Variants in NCKAP5 observed in about 807,000 individuals in gnomAD.
The protein encoded by NCKAP5 is nck-associated protein 5.
In NCKAP5, 92 loss-of-function variants were observed where a neutral mutation model predicts 167.0. The ratio of observed to expected loss-of-function variants is 0.55; its 90% CI spans 0.47 to 0.66. The LOEUF (loss-of-function observed/expected upper bound fraction) is 0.66. Among genes scored for constraint, NCKAP5 ranks in the 30% least tolerant of loss-of-function variants. The pLI is 0.00. For missense variants in NCKAP5, 2,378 were observed against 2,315.0 expected (o/e 1.03, Z -0.56); for synonymous variants, 891 against 877.4 (o/e 1.02, Z -0.27).
chr2:132,881,555 T>C (rs1691753322), intron 8 of NCKAP5, among the ~76,000 whole-genome samples: 1 of 21,318 alleles, frequency 4.7e-5, no homozygotes, highest in Non-Finnish European at 7.2e-5. Flanking sequence ...CTTACCTTTC[T>C]TTTTTTTTTT....
intron 4 of NCKAP5, among the ~76,000 whole-genome samples, chr2:133,245,426 T>C (rs2087926534): frequency 6.6e-6 from 1 of 152,178 alleles, no homozygotes; most frequent in South Asian, 2.1e-4. Context: ...ATTCTATTCA[T>C]ACAGAGGTCT....
At chr2:133,066,463 C>G (rs944525424) in intron 6 of NCKAP5, among the ~76,000 whole-genome samples, 1 of 152,162 alleles carries the variant, frequency 6.6e-6, no homozygotes, top group Non-Finnish European at 1.5e-5. Flanking sequence ...TAAAGAATAA[C>G]AGCCCAAGTA....
At chr2:133,216,936 G>T (rs1008971269) in intron 4 of NCKAP5, among the ~76,000 whole-genome samples, 1 of 151,896 alleles carries the variant, frequency 6.6e-6, no homozygotes, top group East Asian at 1.9e-4. Flanking sequence ...AAAAAACTTC[G>T]CAAAACATGT....
chr2:133,092,285 T>C (rs2081211178), intron 6 of NCKAP5, among the ~76,000 whole-genome samples: 1 of 151,892 alleles, frequency 6.6e-6, no homozygotes, highest in Admixed American at 6.6e-5. Context: ...GGGAGGGAGA[T>C]TTGGATACAG....
At chr2:132,733,293 T>TAA (rs1408178178) in intron 16 of NCKAP5, among the ~76,000 whole-genome samples, 1 of 152,194 alleles carries the variant, frequency 6.6e-6, no homozygotes, top group African/African-American at 2.4e-5. Flanking sequence ...AGTCTAGCAC[T>TAA]GGGTAAGCGG....
chr2:133,356,040 C>T (rs1414951444), intron 3 of NCKAP5, among the ~76,000 whole-genome samples: 1 of 152,108 alleles, frequency 6.6e-6, no homozygotes, highest in Non-Finnish European at 1.5e-5. Context: ...GATCCTCTTG[C>T]TTCAGCCTCC....
At chr2:132,920,777 A>ATATATG (rs1558943340) in intron 8 of NCKAP5, among the ~76,000 whole-genome samples, 18 of 13,862 alleles carry the variant, frequency 1.3e-3, no homozygotes, top group South Asian at 3.2e-3. Context: ...GTATGTATAT[A>ATATATG]TATATATATA....
chr2:132,951,462 C>T (rs554020571), intron 8 of NCKAP5, among the ~76,000 whole-genome samples: 1 of 152,344 alleles, frequency 6.6e-6, no homozygotes, highest in Admixed American at 6.5e-5. Context: ...CCCACATCCA[C>T]ATCTTAAATC....
chr2:133,390,648 C>T (rs1328764135), intron 3 of NCKAP5, among the ~76,000 whole-genome samples: 1 of 152,158 alleles, frequency 6.6e-6, no homozygotes, highest in Non-Finnish European at 1.5e-5. Context: ...CCTCTAATTT[C>T]CCCTAGAGTA....
intron 6 of NCKAP5, among the ~76,000 whole-genome samples, chr2:133,008,275 C>T (rs1426573779): frequency 1.3e-5 from 2 of 152,122 alleles, no homozygotes; most frequent in Admixed American, 6.5e-5. Flanking sequence ...TCTCCTTTCC[C>T]TCATGCCAAA....
At chr2:133,201,775 A>G (rs530147342) in intron 5 of NCKAP5, among the ~76,000 whole-genome samples, 2 of 152,304 alleles carry the variant, frequency 1.3e-5, no homozygotes, top group East Asian at 3.9e-4. Flanking sequence ...CCTCATTTCA[A>G]AAACAACACA....
chr2:132,845,570 G>A (rs1688599489), intron 11 of NCKAP5, among the ~76,000 whole-genome samples: 1 of 151,952 alleles, frequency 6.6e-6, no homozygotes, highest in Non-Finnish European at 1.5e-5. Flanking sequence ...TACTATTATT[G>A]TAAAATAAAT....
chr2:132,993,329 C>T (rs2077499228), intron 7 of NCKAP5, among the ~76,000 whole-genome samples: 1 of 152,188 alleles, frequency 6.6e-6, no homozygotes, highest in African/African-American at 2.4e-5. Flanking sequence ...TATTGTATTT[C>T]CCTTTTCCAC....
chr2:133,115,775 GTATATATATATATATATATATATATATA>G (rs10683280), intron 6 of NCKAP5, among the ~76,000 whole-genome samples: 17 of 94,304 alleles, frequency 1.8e-4, no homozygotes, highest in Middle Eastern at 7.4e-3. Context: ...ATGTGTGTGT[GTATATATATATATATATATATATATATA>G]TATATATATA....
chr2:133,625,828 C>A, the NCKAP5 span, among the ~76,000 whole-genome samples: 2 of 147,682 alleles, frequency 1.4e-5, no homozygotes, highest in Non-Finnish European at 3.0e-5. Context: ...GCCGAGATGG[C>A]GCCACTGCAC....
At chr2:132,934,223 C>G (rs1696667493) in intron 8 of NCKAP5, among the ~76,000 whole-genome samples, 1 of 152,112 alleles carries the variant, frequency 6.6e-6, no homozygotes, top group Admixed American at 6.6e-5. Context: ...TATTAGATAC[C>G]TCTGGTGATG....
intron 5 of NCKAP5, among the ~76,000 whole-genome samples, chr2:133,198,934 G>C (rs2085554942): frequency 6.6e-6 from 1 of 152,002 alleles, no homozygotes; most frequent in African/African-American, 2.4e-5. Flanking sequence ...AATAAAAGAA[G>C]TTAGAGTCCA....
chr2:133,543,934 C>G (rs1300806574), intron 2 of NCKAP5, among the ~76,000 whole-genome samples: 1 of 152,192 alleles, frequency 6.6e-6, no homozygotes, highest in African/African-American at 2.4e-5. Context: ...GAAGCCACAG[C>G]TCATTTATCT....
At chr2:132,935,662 AAACT>A (rs528203985) in intron 8 of NCKAP5, among the ~76,000 whole-genome samples, 132 of 152,264 alleles carry the variant, frequency 8.7e-4, no homozygotes, top group African/African-American at 2.6e-3. Flanking sequence ...CCCTTCTGGA[AAACT>A]AACTAGTGGT....
Sources: gnomAD v4.1 joint callset for allele counts (sites outside exome capture counted in the v4.1 genomes callset) on GRCh38, gnomAD v4.1.1 for gene constraint, MANE v1.5 for transcripts, NCBI Gene and HGNC (gene_info 2026-07-23, HGNC 2026-07-21) for gene names.